The following ERICH6B variants were observed in gnomAD, a reference collection of about 807,000 sequenced individuals.
ERICH6B encodes glutamate rich 6B.
A neutral mutation model predicts 80.0 loss-of-function variants in ERICH6B; 69 were observed. That is an observed-to-expected ratio of 0.86 (90% CI 0.71 to 1.05). ERICH6B has a LOEUF of 1.05. Among genes scored for constraint, ERICH6B ranks in the 50% least tolerant of loss-of-function variants. The pLI is 0.00. For missense variants in ERICH6B, 754 were observed against 796.1 expected (o/e 0.95, Z 0.64); for synonymous variants, 283 against 291.9 (o/e 0.97, Z 0.31).
At chr13:45,574,119 A>G (rs1368084906) in intron 8 of ERICH6B, among the ~76,000 whole-genome samples, 1 of 152,206 alleles carries the variant, frequency 6.6e-6, no homozygotes, top group Non-Finnish European at 1.5e-5. Context: ...AGGAACATAT[A>G]TCTGCTTAAC....
In ERICH6B at chr13:45,549,902, C is replaced by A; in HGVS notation, c.1637G>T (p.Ser546Ile). The change falls in exon 13 of 15, where the codon AGT becomes ATT. Residue 546 changes from serine to isoleucine, a missense_variant. Ser to Ile is a moderately radical substitution (Grantham distance 142, BLOSUM62 -2). Coordinates refer to ENST00000298738, the MANE Select transcript of ERICH6B (RefSeq NM_182542.3). ...CATGACCCAAGCTTACCAGATATCA[C>A]TATTTTCATCATAGAAGGTAGCATT... ...SGNATFYDEN[S>I]DIWLNLSSNL... The A allele has an allele frequency of 6.4e-7, 1 of 1,550,744 alleles. No homozygotes were observed. Among genetic ancestry groups the A allele is most frequent in the Non-Finnish European group, 8.7e-7 (1 of 1,146,856 alleles).
chr13:45,585,750 A>G (rs1449954000), intron 5 of ERICH6B, among the ~76,000 whole-genome samples: 1 of 152,232 alleles, frequency 6.6e-6, no homozygotes, highest in Non-Finnish European at 1.5e-5. Flanking sequence ...TCCAAGACAT[A>G]GCTGCAAAAT....
intron 14 of ERICH6B, among the ~76,000 whole-genome samples, chr13:45,542,840 C>A (rs1873837243): frequency 6.6e-6 from 1 of 152,212 alleles, no homozygotes; most frequent in South Asian, 2.1e-4. Context: ...GCAGGCCAGG[C>A]CTGTGTGGAA....
At chr13:45,613,495 A>T (rs1949911207) in intron 1 of ERICH6B, among the ~76,000 whole-genome samples, 1 of 152,238 alleles carries the variant, frequency 6.6e-6, no homozygotes, top group Non-Finnish European at 1.5e-5. Flanking sequence ...TGCAGAATAT[A>T]GTCATGCTCA....
At chr13:45,544,631 G>C (rs534979721) in intron 14 of ERICH6B, 129 bp downstream of exon 14, 1 of 728,944 alleles carries the variant, frequency 1.4e-6, no homozygotes, top group Admixed American at 2.8e-5. Flanking sequence ...AAGTGGCCTT[G>C]TTTTTATACG....
intron 1 of ERICH6B, among the ~76,000 whole-genome samples, chr13:45,612,954 C>T (rs1212849088): frequency 2.0e-5 from 3 of 152,140 alleles, no homozygotes; most frequent in Admixed American, 6.5e-5. Flanking sequence ...TAGAGGCCAT[C>T]CTCAATGTGA....
intron 13 of ERICH6B, among the ~76,000 whole-genome samples, chr13:45,546,652 A>G: frequency 6.6e-6 from 1 of 152,092 alleles, no homozygotes; most frequent in East Asian, 1.9e-4. Flanking sequence ...TCTACCCTAG[A>G]CTGCACTTCT....
chr13:45,600,601 G>A (rs1324603449), intron 2 of ERICH6B, among the ~76,000 whole-genome samples: 4 of 152,144 alleles, frequency 2.6e-5, no homozygotes, highest in African/African-American at 7.2e-5. Flanking sequence ...AGAGTACGTG[G>A]TATTTGTCTT....
chr13:45,596,462 GA>G lies in ERICH6B; in HGVS notation c.543del (p.Leu182TrpfsTer30). ...GKKSYLEEEK[A>X]LEKEENLEEE... ...TCCTCCAGATTCTCTTCCTTCTCCA[GA>G]GCCTTTTCCTCTTCTAGATATGATT... On this transcript the variant is annotated frameshift_variant, in exon 3 of 15. Coordinates refer to ENST00000298738, the MANE Select transcript of ERICH6B (RefSeq NM_182542.3). LOFTEE classifies it high-confidence loss of function. 6.4e-7 allele frequency: 1 copy of G among 1,551,490 alleles called. No homozygotes were observed. Among genetic ancestry groups the G allele is most frequent in the Non-Finnish European group, 8.7e-7 (1 of 1,146,626 alleles).
In ERICH6B at chr13:45,587,109, C is replaced by T. The variant is rs1319053593; in HGVS notation, c.810G>A (p.Arg270=). The T allele has an allele frequency of 1.9e-6, 3 of 1,551,604 alleles. No homozygotes were observed. The highest frequency in any genetic ancestry group is 2.4e-5 in the East Asian group (1 of 40,930). ...ESSELLLTLY[R]RSQASQTDWC... ...AGTCTGTCTGACTGGCCTGGCTCCT[C>T]CTGTACAATGTCAGAAGCAACTCAG... Residue 270 remains arginine (R), a synonymous_variant, in exon 5 of 15, where the codon AGG becomes AGA. Coordinates refer to ENST00000298738, the MANE Select transcript of ERICH6B (RefSeq NM_182542.3).
rs147889677 is a variant in ERICH6B at position 45,545,561 on chromosome 13, C to T, written c.1647-576G>A. Reference sequence around the variant, plus strand: ...AGGTTATCATCTTAAATCCTAAAAGCAGCCCATCCTGCTAGATACCATTTT... The same window carrying T: ...AGGTTATCATCTTAAATCCTAAAAGTAGCCCATCCTGCTAGATACCATTTT... On this transcript the variant is annotated intron_variant, in intron 13 of 14. Transcript: ENST00000298738. 6.9e-4 allele frequency among the ~76,000 whole-genome samples: 105 copies of T among 152,338 alleles called. 2 individuals carry two copies. In the East Asian group the frequency reaches 0.02, roughly 29 times the overall value.
chr13:45,590,740 ATCTT>A (rs1196820326), intron 3 of ERICH6B, 43 bp from the exon 4 acceptor site: 1 of 1,510,000 alleles, frequency 6.6e-7, no homozygotes, highest in African/African-American at 1.4e-5. Flanking sequence ...GCAAAAAAGC[ATCTT>A]TCTTTCTATT....
At chr13:45,606,539 ATATATATATTTTTTTTT>A (rs1566307888) in intron 2 of ERICH6B, among the ~76,000 whole-genome samples, 12 of 11,442 alleles carry the variant, frequency 1.0e-3, no homozygotes, top group Non-Finnish European at 2.6e-3. Flanking sequence ...ATATATATAT[ATATATATATTTTTTTTT>A]TTTTTTTTTT....
chr13:45,551,534 C>G (rs940324610), intron 11 of ERICH6B: 1 of 152,148 alleles, frequency 6.6e-6, no homozygotes, highest in Non-Finnish European at 1.5e-5. Flanking sequence ...AAGTAGTAAC[C>G]AGGCTCAGCT....
intron 11 of ERICH6B, among the ~76,000 whole-genome samples, chr13:45,559,291 T>C (rs897587293): frequency 6.6e-6 from 1 of 152,186 alleles, no homozygotes; most frequent in African/African-American, 2.4e-5. Flanking sequence ...GGATTTTCTC[T>C]CTTCTTTTCT....
chr13:45,597,802 C>T (rs988342229), intron 2 of ERICH6B, among the ~76,000 whole-genome samples: 3 of 152,116 alleles, frequency 2.0e-5, no homozygotes, highest in African/African-American at 7.2e-5. Context: ...AGTATAAGCT[C>T]CTTAAAGATG....
chr13:45,614,227 G>C (rs1949915374), intron 1 of ERICH6B, among the ~76,000 whole-genome samples: 1 of 152,058 alleles, frequency 6.6e-6, no homozygotes, highest in Non-Finnish European at 1.5e-5. Context: ...TCACTTTATA[G>C]CAAGTTTATT....
intron 2 of ERICH6B, among the ~76,000 whole-genome samples, chr13:45,599,531 CA>C (rs1181695216): frequency 1.3e-5 from 2 of 151,368 alleles, no homozygotes; most frequent in South Asian, 2.1e-4. Context: ...ACAGAGCAAA[CA>C]AAAAAAAGTG....
chr13:45,569,742 T>C (rs1377979041), intron 8 of ERICH6B, among the ~76,000 whole-genome samples: 1 of 152,246 alleles, frequency 6.6e-6, no homozygotes, highest in Non-Finnish European at 1.5e-5. Flanking sequence ...TTATGGCTTA[T>C]GGCTGGCCAG....
Sources: allele counts gnomAD v4.1 joint callset (sites outside exome capture counted in the v4.1 genomes callset), GRCh38; gene constraint gnomAD v4.1.1; transcripts MANE v1.5; gene names NCBI Gene and HGNC (gene_info 2026-07-23, HGNC 2026-07-21).